Variants in DPYSL2 observed in about 807,000 individuals in gnomAD.
DPYSL2 encodes dihydropyrimidinase-related protein 2.
A neutral mutation model predicts 69.9 loss-of-function variants in DPYSL2; 13 were observed. The observed-to-expected ratio is 0.19, with a 90% CI of 0.12 to 0.30. The LOEUF (loss-of-function observed/expected upper bound fraction) is 0.30, where lower values mean the gene tolerates loss of function less well. DPYSL2 is among the 10% of genes least tolerant of loss of function. The probability of loss-of-function intolerance (pLI) is 1.00; values close to 1 mark genes in which losing one functional copy is unlikely to be tolerated. For synonymous variants in DPYSL2, 326 were observed against 359.1 expected (o/e 0.91, Z 1.04); for missense variants, 587 against 918.9 (o/e 0.64, Z 4.67).
At chr8:26,515,851 T>G (rs755859853) in intron 1 of DPYSL2, among the ~76,000 whole-genome samples, 33 of 152,240 alleles carry the variant, frequency 2.2e-4, no homozygotes, top group Non-Finnish European at 4.3e-4. Flanking sequence ...AGGTTAGTTA[T>G]AGAAAGTGCA....
rs998239896 is a variant in DPYSL2 at position 26,647,914 on chromosome 8, C to T, written c.1596+114C>T. On this transcript the variant is annotated intron_variant, in intron 11 of 13. Transcript: ENST00000521913. This position sits in a 1 kb window ranked among gnomAD's most constrained non-coding sequence, Gnocchi z 5.1. Reference sequence around the variant, plus strand: ...GAACTTGCTGTGATGGGAATGCGCTCGACTGAGGATGTTATGATTTGCAAT... The same window carrying T: ...GAACTTGCTGTGATGGGAATGCGCTTGACTGAGGATGTTATGATTTGCAAT... The T allele has an allele frequency of 8.7e-6, 11 of 1,257,488 alleles. No homozygotes were observed. The highest frequency in any genetic ancestry group is 5.5e-5 in the Admixed American group (2 of 36,226). The allele number at this position is 1,257,488 out of a possible 1,614,324, so 77.9% of individuals were successfully genotyped here. A position where few individuals can be genotyped will look rare whatever the true frequency, so the allele number is the denominator to read the frequency against.
At position 26,640,164 on chromosome 8, in the gene DPYSL2, T is replaced by G. The variant is rs1402002181; in HGVS notation, c.1127-3275T>G. ...CTGCTTCTCGTCCATGGGAAATGAC[T>G]GCCAGAGCTGGGAGCTATCAAGCAT... On this transcript the variant is annotated intron_variant, in intron 8 of 13. Transcript: ENST00000521913. This position sits in a 1 kb window ranked among gnomAD's most constrained non-coding sequence, Gnocchi z 4.2. Among the ~76,000 whole-genome samples, 3 of 152,250 alleles carry G rather than the reference T, an allele frequency of 2.0e-5. No homozygotes were observed. The highest frequency in any genetic ancestry group is 4.4e-5 in the Non-Finnish European group (3 of 68,044).
At chr8:26,607,017 A>C (rs1802121692) in intron 3 of DPYSL2, among the ~76,000 whole-genome samples, 1 of 152,226 alleles carries the variant, frequency 6.6e-6, no homozygotes, top group Non-Finnish European at 1.5e-5. Context: ...GTGTAAACAA[A>C]AAAATTCATA....
chr8:26,622,601 C>T (rs1802523112), intron 3 of DPYSL2, among the ~76,000 whole-genome samples: 1 of 151,934 alleles, frequency 6.6e-6, no homozygotes, highest in Admixed American at 6.6e-5. Context: ...CTCCCGGGCT[C>T]AAGCAATTCT....
At position 26,615,823 on chromosome 8, in the gene DPYSL2, G is replaced by T. The variant is rs142672201; in HGVS notation, c.629-8320G>T. ...AAATAGTTCCAGCTCTTAGGAAAAT[G>T]CTTCTTTAGCATTGCGGGAGAAACA... On this transcript the variant is annotated intron_variant, in intron 3 of 13. Transcript: ENST00000521913. Among the ~76,000 whole-genome samples the T allele has an allele frequency of 1.4e-4, 22 of 152,262 alleles. No individual in the cohort carries two copies. In the East Asian group the frequency reaches 4.2e-3, roughly 29 times the overall value.
Position 26,562,397 on chromosome 8 carries a change from A to G in DPYSL2, c.355-19572A>G, listed in dbSNP as rs1001655376. ...TTATTGCCTCCAACATAAATGACAC[A>G]TCTGTCCATTTATCTCAAGTGCCCT... On this transcript the variant is annotated intron_variant, in intron 1 of 13. Coordinates refer to ENST00000521913, the MANE Select transcript of DPYSL2 (RefSeq NM_001197293.3). This position sits in a 1 kb window ranked among gnomAD's most constrained non-coding sequence, Gnocchi z 4.9. Among the ~76,000 whole-genome samples, 3 of 152,160 alleles carry G rather than the reference A, an allele frequency of 2.0e-5. No homozygotes were observed. Among genetic ancestry groups the G allele is most frequent in the Non-Finnish European group, 4.4e-5 (3 of 68,026 alleles).
intron 3 of DPYSL2, among the ~76,000 whole-genome samples, chr8:26,608,475 C>T (rs2129842735): frequency 6.6e-6 from 1 of 152,138 alleles, no homozygotes; most frequent in East Asian, 1.9e-4. Flanking sequence ...TTATCTCTTA[C>T]CCACATCATT....
intron 1 of DPYSL2, among the ~76,000 whole-genome samples, chr8:26,538,166 A>G (rs1331952820): frequency 3.3e-5 from 5 of 152,186 alleles, no homozygotes; most frequent in African/African-American, 9.7e-5. Context: ...AGATCGATTC[A>G]CTGTAATGTC....
intron 7 of DPYSL2, among the ~76,000 whole-genome samples, chr8:26,629,764 T>TTTTATTTTA (rs1563417588): frequency 6.6e-6 from 1 of 152,074 alleles, no homozygotes; most frequent in South Asian, 2.1e-4. Flanking sequence ...ATTTTATTTT[T>TTTTATTTTA]TTTCCTTTTT....
intron 3 of DPYSL2, among the ~76,000 whole-genome samples, chr8:26,595,900 C>T (rs1215379920): frequency 6.6e-6 from 1 of 151,994 alleles, no homozygotes; most frequent in Non-Finnish European, 1.5e-5. Context: ...CTGGCAGAGG[C>T]GAGCAGCTTC....
intron 1 of DPYSL2, among the ~76,000 whole-genome samples, chr8:26,527,654 A>C (rs1362563683): frequency 6.6e-6 from 1 of 152,194 alleles, no homozygotes; most frequent in East Asian, 1.9e-4. Context: ...TTGCCAAATA[A>C]AGACATTAAA....
rs2117595584 is a variant in DPYSL2 at position 26,517,877 on chromosome 8, C to T, written c.354+3198C>T. On this transcript the variant is annotated intron_variant, in intron 1 of 13. Coordinates refer to ENST00000521913, the MANE Select transcript of DPYSL2 (RefSeq NM_001197293.3). This position sits in a 1 kb window ranked among gnomAD's most constrained non-coding sequence, Gnocchi z 4.2. ...CTCCCTTCCATCTGGGTCCCCATCCCTTCTGCCTGTGTTGAATCTCTTCTG... is the reference window on the plus strand; with the variant it reads ...CTCCCTTCCATCTGGGTCCCCATCCTTTCTGCCTGTGTTGAATCTCTTCTG... 6.6e-6 allele frequency among the ~76,000 whole-genome samples: 1 copy of T among 152,296 alleles called. No homozygotes were observed. The highest frequency in any genetic ancestry group is 1.9e-4 in the East Asian group (1 of 5,178).
In DPYSL2 at chr8:26,653,589, C is replaced by T. The variant is rs1003280277; in HGVS notation, c.1942+192C>T. Among the ~76,000 whole-genome samples, 2 of 152,098 alleles carry T rather than the reference C, an allele frequency of 1.3e-5. No individual in the cohort carries two copies. The highest frequency in any genetic ancestry group is 6.5e-5 in the Admixed American group (1 of 15,268). ...TTTTCTTTTTTTTGAGGCAGGGTCT[C>T]GCTCTGTTACCCAGACTGGAGTGCA... On this transcript the variant is annotated intron_variant, in intron 13 of 13. Coordinates refer to ENST00000521913, the MANE Select transcript of DPYSL2 (RefSeq NM_001197293.3). The surrounding 1 kb of genome is among the most constrained non-coding windows in gnomAD (Gnocchi z 5.7).
rs186335661 is a variant in DPYSL2 at position 26,607,341 on chromosome 8, C to T, written c.629-16802C>T. Among the ~76,000 whole-genome samples, 270 of 150,858 alleles carry T rather than the reference C, an allele frequency of 1.8e-3. 1 individual carries two copies. The highest frequency in any genetic ancestry group is 6.3e-3 in the African/African-American group (259 of 41,046). ...CTCTACTAAAAATACAAAAATTAAC[C>T]GGGCATGGTTGCACGCCTGTAGTTC... On this transcript the variant is annotated intron_variant, in intron 3 of 13. Coordinates refer to ENST00000521913, the MANE Select transcript of DPYSL2 (RefSeq NM_001197293.3).
chr8:26,566,552 G>A (rs1252561815), intron 1 of DPYSL2, among the ~76,000 whole-genome samples: 1 of 152,124 alleles, frequency 6.6e-6, no homozygotes, highest in African/African-American at 2.4e-5. Context: ...GGACTGAAGG[G>A]CAGGAAGGAC....
chr8:26,616,650 A>C (rs745863925), intron 3 of DPYSL2, among the ~76,000 whole-genome samples: 3 of 152,192 alleles, frequency 2.0e-5, no homozygotes, highest in Non-Finnish European at 4.4e-5. Context: ...TGACAACAGG[A>C]GTTTTAGCAT....
In DPYSL2 at chr8:26,585,724, C is replaced by T. The variant is rs1026157785; in HGVS notation, c.628+1741C>T. 6.6e-6 allele frequency among the ~76,000 whole-genome samples: 1 copy of T among 152,136 alleles called. No individual in the cohort carries two copies. The highest frequency in any genetic ancestry group is 1.5e-5 in the Non-Finnish European group (1 of 68,036). ...CTATTCGGGTGTCAGCCGGGAAGGCCAAGTCAGGGTGATCATCTGCCTCAG... is the reference window on the plus strand; with the variant it reads ...CTATTCGGGTGTCAGCCGGGAAGGCTAAGTCAGGGTGATCATCTGCCTCAG... On this transcript the variant is annotated intron_variant, in intron 3 of 13. Coordinates refer to ENST00000521913, the MANE Select transcript of DPYSL2 (RefSeq NM_001197293.3). This position sits in a 1 kb window ranked among gnomAD's most constrained non-coding sequence, Gnocchi z 4.0.
rs139192889 is a variant in DPYSL2 at position 26,606,245 on chromosome 8, T to C, written c.629-17898T>C. On this transcript the variant is annotated intron_variant, in intron 3 of 13. Coordinates refer to ENST00000521913, the MANE Select transcript of DPYSL2 (RefSeq NM_001197293.3). The stretch of plus-strand genomic sequence containing the variant: ...AGTATTATATTAGAAGTTAACTATT[T>C]TGAAAACCAAAGTAAACATCTTACC... Among the ~76,000 whole-genome samples the C allele has an allele frequency of 9.3e-4, 141 of 152,282 alleles. 1 individual carries two copies. The highest frequency in any genetic ancestry group is 3.3e-3 in the African/African-American group (137 of 41,574).
rs566872225 is a variant in DPYSL2 at position 26,565,377 on chromosome 8, G to A, written c.355-16592G>A. Among the ~76,000 whole-genome samples, 1 of 152,324 alleles carries A rather than the reference G, an allele frequency of 6.6e-6. No homozygotes were observed. The highest frequency in any genetic ancestry group is 2.4e-5 in the African/African-American group (1 of 41,564). ...TTTAGGGCTGCCCCAGGATTGGGAG[G>A]TTGCAGGGTAAGAGTAGCAGAATGA... On this transcript the variant is annotated intron_variant, in intron 1 of 13. Transcript: ENST00000521913. This position sits in a 1 kb window ranked among gnomAD's most constrained non-coding sequence, Gnocchi z 4.1.
Sources: allele counts gnomAD v4.1 joint callset (sites outside exome capture counted in the v4.1 genomes callset), GRCh38; gene constraint gnomAD v4.1.1; non-coding constraint Gnocchi (gnomAD v3.1); transcripts MANE v1.5; gene names NCBI Gene and HGNC (gene_info 2026-07-23, HGNC 2026-07-21).